Variants in SDK1 observed in about 807,000 individuals in gnomAD.
SDK1 encodes the protein protein sidekick-1.
A neutral mutation model predicts 245.5 loss-of-function variants in SDK1; 157 were observed. The observed-to-expected ratio is 0.64, with a 90% CI of 0.56 to 0.73. SDK1 has a LOEUF of 0.73. Among genes scored for constraint, SDK1 ranks in the 30% least tolerant of loss-of-function variants. SDK1 has a pLI of 0.00. For missense variants in SDK1, 3,583 were observed against 3,002.3 expected (o/e 1.19, Z -4.52); for synonymous variants, 1,647 against 1,278.5 (o/e 1.29, Z -6.15).
chr7:3,668,624 C>G (rs1783606626), intron 4 of SDK1, among the ~76,000 whole-genome samples: 1 of 152,124 alleles, frequency 6.6e-6, no homozygotes. Context: ...AACCCCATCT[C>G]TACTAAAAAT....
chr7:4,064,165 T>C (rs1037293613), intron 19 of SDK1, among the ~76,000 whole-genome samples: 14 of 152,170 alleles, frequency 9.2e-5, no homozygotes, highest in South Asian at 4.1e-4. Flanking sequence ...GGAGAAAATA[T>C]TTGCAAACTA....
intron 1 of SDK1, among the ~76,000 whole-genome samples, chr7:3,470,887 A>T (rs1049867747): frequency 6.6e-6 from 1 of 152,170 alleles, no homozygotes; most frequent in Non-Finnish European, 1.5e-5. Flanking sequence ...GTGCTTAAGG[A>T]GTTGGAGAAT....
chr7:3,546,210 A>C (rs1401845353), intron 1 of SDK1, among the ~76,000 whole-genome samples: 1 of 152,156 alleles, frequency 6.6e-6, no homozygotes, highest in Non-Finnish European at 1.5e-5. Context: ...CCTGAGGATG[A>C]TGACACCGCG....
intron 27 of SDK1, among the ~76,000 whole-genome samples, 172 bp from the exon 28 acceptor site, chr7:4,132,153 A>AC (rs1325554168): frequency 6.6e-6 from 1 of 152,184 alleles, no homozygotes; most frequent in Non-Finnish European, 1.5e-5. Context: ...GAGCCACACT[A>AC]CCAGTGACAT....
chr7:3,651,194 C>G (rs1783004650), intron 4 of SDK1, among the ~76,000 whole-genome samples: 2 of 151,066 alleles, frequency 1.3e-5, no homozygotes, highest in Admixed American at 1.3e-4. Context: ...TGTAATCCCA[C>G]CAGCAATGTA....
intron 1 of SDK1, among the ~76,000 whole-genome samples, chr7:3,331,581 C>T (rs1390297824): frequency 6.6e-6 from 1 of 152,140 alleles, no homozygotes; most frequent in Non-Finnish European, 1.5e-5. Context: ...TTTTCACTTT[C>T]TTGATGGCAT....
At chr7:3,395,540 C>T (rs1481958333) in intron 1 of SDK1, among the ~76,000 whole-genome samples, 2 of 151,770 alleles carry the variant, frequency 1.3e-5, no homozygotes, top group African/African-American at 2.4e-5. Flanking sequence ...ACTTCTTATA[C>T]TTCTCGGAAG....
At chr7:3,978,819 C>G (rs1029854827) in intron 13 of SDK1, among the ~76,000 whole-genome samples, 5 of 152,208 alleles carry the variant, frequency 3.3e-5, no homozygotes, top group African/African-American at 1.2e-4. Flanking sequence ...TAAACAATGT[C>G]CTTCAGAGGA....
intron 4 of SDK1, among the ~76,000 whole-genome samples, chr7:3,691,728 A>T (rs955008372): frequency 6.6e-6 from 1 of 152,130 alleles, no homozygotes; most frequent in Non-Finnish European, 1.5e-5. Flanking sequence ...TCAGGTGTGA[A>T]TGCGTAGAAG....
In SDK1 at chr7:3,938,086, C is replaced by T. The variant is rs1780223308; in HGVS notation, c.848-12837C>T. Among the ~76,000 whole-genome samples, 3 of 152,178 alleles carry T rather than the reference C, an allele frequency of 2.0e-5. No individual in the cohort carries two copies. The South Asian group carries it at 6.2e-4, about 32-fold the overall frequency. Reference sequence around the variant, plus strand: ...TCCTGACCTCAGGCGATCCACCTGCCTTGACCTCCCAAAGTGCTGGGATTA... The same window carrying T: ...TCCTGACCTCAGGCGATCCACCTGCTTTGACCTCCCAAAGTGCTGGGATTA... On this transcript the variant is annotated intron_variant, in intron 5 of 44. Transcript: ENST00000404826.
rs555377177 is a variant in SDK1 at position 3,786,977 on chromosome 7, T to C, written c.714-34473T>C. Among the ~76,000 whole-genome samples the C allele has an allele frequency of 2.2e-3, 338 of 152,122 alleles. 1 individual carries two copies. The highest frequency in any genetic ancestry group is 6.8e-3 in the Middle Eastern group (2 of 292). On this transcript the variant is annotated intron_variant, in intron 4 of 44. Coordinates refer to ENST00000404826, the MANE Select transcript of SDK1 (RefSeq NM_152744.4). The stretch of plus-strand genomic sequence containing the variant: ...AAATAGAAGAAATAGAGTATAAACA[T>C]TGTTCTCTTACTCTGACAAGCAGAA...
chr7:3,379,513 C>T (rs1284132397), intron 1 of SDK1, among the ~76,000 whole-genome samples: 6 of 151,994 alleles, frequency 3.9e-5, no homozygotes, highest in African/African-American at 9.7e-5. Context: ...GACCTTTATT[C>T]GTAGATGGAG....
At chr7:3,782,513 A>C (rs999822993) in intron 4 of SDK1, among the ~76,000 whole-genome samples, 1 of 152,208 alleles carries the variant, frequency 6.6e-6, no homozygotes, top group South Asian at 2.1e-4. Flanking sequence ...TTACCAAGGC[A>C]CATAGTAATA....
chr7:4,217,527 C>T (rs1784897784), intron 38 of SDK1, among the ~76,000 whole-genome samples: 1 of 142,690 alleles, frequency 7.0e-6, no homozygotes, highest in Non-Finnish European at 1.5e-5. Context: ...ACCCGGAGCA[C>T]CACACCACCC....
intron 19 of SDK1, among the ~76,000 whole-genome samples, chr7:4,058,710 GA>G (rs1197854770): frequency 2.6e-5 from 4 of 152,134 alleles, no homozygotes; most frequent in Admixed American, 6.6e-5. Context: ...AAGTACTGGG[GA>G]AAAAAATAAC....
chr7:4,146,635 C>G (rs958450424), intron 29 of SDK1, among the ~76,000 whole-genome samples: 1 of 152,204 alleles, frequency 6.6e-6, no homozygotes, highest in Non-Finnish European at 1.5e-5. Context: ...TTGAGCTCCC[C>G]GAAAGCAGCC....
Position 4,268,450 on chromosome 7 carries a change from T to G in SDK1, c.*3066T>G. 2.7e-6 allele frequency: 3 copies of G among 1,130,724 alleles called. No individual in the cohort carries two copies. The highest frequency in any genetic ancestry group is 3.3e-6 in the Non-Finnish European group (3 of 909,228). 70.0% of individuals were successfully genotyped at this position (1,130,724 alleles called of 1,614,324 possible). A position where few individuals can be genotyped will look rare whatever the true frequency, so the allele number is the denominator to read the frequency against. On this transcript the variant is annotated 3_prime_UTR_variant, in exon 45 of 45. Transcript: ENST00000404826. ...CTTCAGCCTCTCTCCCAGCCTGCTT[T>G]TATAAGGCGCACTTCACTCAATGCT...
At chr7:3,942,452 C>T (rs1486128295) in intron 5 of SDK1, among the ~76,000 whole-genome samples, 1 of 152,176 alleles carries the variant, frequency 6.6e-6, no homozygotes, top group African/African-American at 2.4e-5. Flanking sequence ...AAGCATTTTT[C>T]TAACTGTTAT....
intron 1 of SDK1, among the ~76,000 whole-genome samples, chr7:3,327,492 T>C (rs754059276): frequency 6.6e-6 from 1 of 152,176 alleles, no homozygotes; most frequent in Non-Finnish European, 1.5e-5. Flanking sequence ...AGATGATCTT[T>C]GTCAGGTTTT....
Sources: gnomAD v4.1 joint callset for allele counts (sites outside exome capture counted in the v4.1 genomes callset) on GRCh38, gnomAD v4.1.1 for gene constraint, MANE v1.5 for transcripts, NCBI Gene and HGNC (gene_info 2026-07-23, HGNC 2026-07-21) for gene names.